The following ELK4 variants were observed in gnomAD, a reference collection of about 807,000 sequenced individuals.
ELK4 encodes the protein ETS domain-containing protein Elk-4.
ELK4 carries 16 observed loss-of-function variants against 29.6 expected under a neutral mutation model. The ratio of observed to expected loss-of-function variants is 0.54; its 90% confidence interval spans 0.37 to 0.82. The LOEUF (loss-of-function observed/expected upper bound fraction) is 0.82. ELK4 is among the 40% of genes least tolerant of loss of function. The pLI is 0.00. For missense variants in ELK4, 465 were observed against 507.1 expected (o/e 0.92, Z 0.80); for synonymous variants, 213 against 191.1 (o/e 1.11, Z -0.95).
In ELK4 at chr1:205,614,229, TAC is replaced by T. The variant is rs1183645190; in HGVS notation, c.*2315_*2316del. ...TTCAATGGTGCCCTTGGTTCCAAGG[TAC>T]CTCTGTGCTGAGACAGTTAATTATT... On this transcript the variant is annotated 3_prime_UTR_variant, in exon 5 of 5. Transcript: ENST00000357992. The T allele has an allele frequency of 4.5e-6, 1 of 220,138 alleles. No individual in the cohort carries two copies. The highest frequency in any genetic ancestry group is 6.7e-5 in the East Asian group (1 of 15,008). 13.6% of individuals were successfully genotyped at this position (220,138 alleles called of 1,614,324 possible).
At position 205,615,503 on chromosome 1, in the gene ELK4, C is replaced by T. The variant is rs950948173; in HGVS notation, c.*1043G>A. 2 of 175,644 alleles carry T rather than the reference C, an allele frequency of 1.1e-5. No individual in the cohort carries two copies. The highest frequency in any genetic ancestry group is 2.4e-5 in the Non-Finnish European group (2 of 81,830). The allele number at this position is 175,644 out of a possible 1,614,324, so 10.9% of individuals were successfully genotyped here. A position where few individuals can be genotyped will look rare whatever the true frequency, so the allele number is the denominator to read the frequency against. On this transcript the variant is annotated 3_prime_UTR_variant, in exon 5 of 5. Transcript: ENST00000357992. ...TGCATCTTTAAAACTATCATAACCT[C>T]TAACAACCTTAAACATAAAGGAAAG...
chr1:205,625,368 A>G (rs977872790), intron 1 of ELK4: 1 of 412,846 alleles, frequency 2.4e-6, no homozygotes, highest in African/African-American at 2.0e-5. Context: ...AAACACACGA[A>G]AAAATGCTCT....
rs1014183651 is a variant in ELK4 at position 205,608,340 on chromosome 1, G to A, written c.*8206C>T. On this transcript the variant is annotated 3_prime_UTR_variant, in exon 5 of 5. Transcript: ENST00000357992. ...CCTCAAAGTGCTTTTGCATCCTTTC[G>A]CTCACCTCTCTACACTCTATAAAGT... The A allele has an allele frequency of 3.7e-5, 7 of 188,826 alleles. No homozygotes were observed. In the East Asian group the frequency reaches 4.3e-4, roughly 12 times the overall value. 11.7% of individuals were successfully genotyped at this position (188,826 alleles called of 1,614,324 possible).
In ELK4 at chr1:205,616,470, T is replaced by C; in HGVS notation, c.*76A>G. The C allele has an allele frequency of 1.5e-6, 2 of 1,308,726 alleles. No individual in the cohort carries two copies. Among genetic ancestry groups the C allele is most frequent in the Non-Finnish European group, 2.2e-6 (2 of 911,376 alleles). 81.1% of individuals were successfully genotyped at this position (1,308,726 alleles called of 1,614,324 possible). ...ATTATCAGCATTGTAGAACTATCAA[T>C]TGCTCACTTCAAATGCAATCATGTT... On this transcript the variant is annotated 3_prime_UTR_variant, in exon 5 of 5. Transcript: ENST00000357992.
chr1:205,625,817 T>TA (rs1455244595), intron 1 of ELK4: 5 of 619,274 alleles, frequency 8.1e-6, no homozygotes, highest in Non-Finnish European at 1.5e-5. Flanking sequence ...TAGCTGGGAT[T>TA]ATAGGTGCAT....
In ELK4 at chr1:205,616,007, C is replaced by G; in HGVS notation, c.*539G>C. ...ATCTCCCCAGTATGACTGCTCCAAT[C>G]TTACTTTGTATGAATAGGAATGATT... On this transcript the variant is annotated 3_prime_UTR_variant, in exon 5 of 5. Coordinates refer to ENST00000357992, the MANE Select transcript of ELK4 (RefSeq NM_001973.4). 1 of 224,648 alleles carries G rather than the reference C, an allele frequency of 4.5e-6. No individual in the cohort carries two copies. The highest frequency in any genetic ancestry group is 8.9e-6 in the Non-Finnish European group (1 of 112,538). The allele number at this position is 224,648 out of a possible 1,614,324, so 13.9% of individuals were successfully genotyped here.
In ELK4 at chr1:205,609,157, G is replaced by A. The variant is rs988970235; in HGVS notation, c.*7389C>T. 4 of 189,520 alleles carry A rather than the reference G, an allele frequency of 2.1e-5. No homozygotes were observed. The highest frequency in any genetic ancestry group is 9.3e-5 in the African/African-American group (4 of 42,860). 11.7% of individuals were successfully genotyped at this position (189,520 alleles called of 1,614,324 possible). A position where few individuals can be genotyped will look rare whatever the true frequency, so the allele number is the denominator to read the frequency against. On this transcript the variant is annotated 3_prime_UTR_variant, in exon 5 of 5. Coordinates refer to ENST00000357992, the MANE Select transcript of ELK4 (RefSeq NM_001973.4). ...CTCATCCCTAATTGTCTCTTAGGAA[G>A]GTCTTCTTTAAAGAAGATCGAGTAG...
intron 1 of ELK4, among the ~76,000 whole-genome samples, chr1:205,628,165 C>T (rs1487791254): frequency 2.0e-5 from 3 of 152,144 alleles, no homozygotes; most frequent in Non-Finnish European, 4.4e-5. Context: ...CTCACTTAAG[C>T]GGGGCTAAAA....
chr1:205,625,291 G>A (rs540960625), intron 1 of ELK4, among the ~76,000 whole-genome samples: 111 of 14,774 alleles, frequency 7.5e-3, no homozygotes, highest in South Asian at 0.052. Context: ...AAACGCCTAC[G>A]ACTAAAAAAA....
chr1:205,620,869 C>CT, intron 2 of ELK4, 31 bp from the exon 3 acceptor site: 1 of 1,566,066 alleles, frequency 6.4e-7, no homozygotes, highest in Non-Finnish European at 8.6e-7. Flanking sequence ...CATTTTTATC[C>CT]TTTCTTATAA....
At chr1:205,623,064 A>G (rs1175534403) in intron 2 of ELK4, among the ~76,000 whole-genome samples, 1 of 151,180 alleles carries the variant, frequency 6.6e-6, no homozygotes, top group Non-Finnish European at 1.5e-5. Flanking sequence ...AGGCTGAGAC[A>G]GGAGAATAGC....
intron 1 of ELK4, 134 bp from the exon 2 acceptor site, chr1:205,624,025 A>C (rs1369873222): frequency 7.6e-6 from 6 of 784,506 alleles, no homozygotes; most frequent in Non-Finnish European, 1.2e-5. Flanking sequence ...ATACTACTGC[A>C]TCCTCATTTT....
At position 205,626,175 on chromosome 1, in the gene ELK4, A is replaced by AG. The variant is rs913702157; in HGVS notation, c.-9-2285dup. 9.7e-5 allele frequency: 61 copies of AG among 627,846 alleles called. 1 individual carries two copies. The East Asian group carries it at 1.4e-3, about 14-fold the overall frequency. The allele number at this position is 627,846 out of a possible 1,614,324, so 38.9% of individuals were successfully genotyped here. A position where few individuals can be genotyped will look rare whatever the true frequency, so the allele number is the denominator to read the frequency against. ...GTGATGCTGCTACCCCTGAGCTGGA[A>AG]GGGGGGTCTCATTCTACAGAGAGGT... On this transcript the variant is annotated intron_variant, in intron 1 of 4. Transcript: ENST00000357992.
intron 4 of ELK4, among the ~76,000 whole-genome samples, chr1:205,617,583 T>G (rs1210571494): frequency 6.6e-6 from 1 of 151,870 alleles, no homozygotes; most frequent in Admixed American, 6.6e-5. Context: ...TATACCATTT[T>G]CAAGACCTTT....
chr1:205,610,136 G>A lies in ELK4; in HGVS notation c.*6410C>T, dbSNP rs1197844172. ...CATTCTTGAATGATTCCATTGGCTA[G>A]AACTCTGGGCCAGCCACAGGAAACC... On this transcript the variant is annotated 3_prime_UTR_variant, in exon 5 of 5. Coordinates refer to ENST00000357992, the MANE Select transcript of ELK4 (RefSeq NM_001973.4). The A allele has an allele frequency of 2.2e-5, 5 of 232,046 alleles. No individual in the cohort carries two copies. The highest frequency in any genetic ancestry group is 1.1e-4 in the African/African-American group (5 of 45,270). The allele number at this position is 232,046 out of a possible 1,614,324, so 14.4% of individuals were successfully genotyped here. A position where few individuals can be genotyped will look rare whatever the true frequency, so the allele number is the denominator to read the frequency against.
Position 205,630,979 on chromosome 1 carries a change from G to C in ELK4, c.-10+653C>G, listed in dbSNP as rs112027279. Among the ~76,000 whole-genome samples, 352 of 152,330 alleles carry C rather than the reference G, an allele frequency of 2.3e-3. 1 individual carries two copies. Among genetic ancestry groups the C allele is most frequent in the African/African-American group, 8.2e-3 (339 of 41,580 alleles). On this transcript the variant is annotated intron_variant, in intron 1 of 4. Transcript: ENST00000357992. ...AAATAGCAATAGCTGGAGAAAAAGT[G>C]AAGTGTGTACTTTTGACTACTTCAG...
chr1:205,626,202 G>T lies in ELK4; in HGVS notation c.-9-2311C>A, dbSNP rs1400370910. Reference sequence around the variant, plus strand: ...GGGGGTCTCATTCTACAGAGAGGTGGCCTCCCTTTCTTGACCTCCTCCTCC... The same window carrying T: ...GGGGGTCTCATTCTACAGAGAGGTGTCCTCCCTTTCTTGACCTCCTCCTCC... On this transcript the variant is annotated intron_variant, in intron 1 of 4. Transcript: ENST00000357992. 25 of 579,212 alleles carry T rather than the reference G, an allele frequency of 4.3e-5. No individual in the cohort carries two copies. The East Asian group carries it at 8.4e-4, about 20-fold the overall frequency. The allele number at this position is 579,212 out of a possible 1,614,324, so 35.9% of individuals were successfully genotyped here. A position where few individuals can be genotyped will look rare whatever the true frequency, so the allele number is the denominator to read the frequency against.
At chr1:205,625,339 A>T (rs1237159762) in intron 1 of ELK4, 2 of 305,782 alleles carry the variant, frequency 6.5e-6, no homozygotes, top group African/African-American at 4.3e-5. Context: ...ATAGCAAAGA[A>T]GATATACAAA....
At chr1:205,628,216 G>A (rs1670504651) in intron 1 of ELK4, among the ~76,000 whole-genome samples, 1 of 152,240 alleles carries the variant, frequency 6.6e-6, no homozygotes, top group Non-Finnish European at 1.5e-5. Flanking sequence ...GGTGGAAGCA[G>A]GCAGGGATTC....
Sources: gnomAD v4.1 joint callset for allele counts (sites outside exome capture counted in the v4.1 genomes callset) on GRCh38, gnomAD v4.1.1 for gene constraint, MANE v1.5 for transcripts, NCBI Gene and HGNC (gene_info 2026-07-23, HGNC 2026-07-21) for gene names.